The following ITGA4 variants were observed in gnomAD, a reference collection of about 807,000 sequenced individuals.
ITGA4 encodes integrin alpha-4.
A neutral mutation model predicts 133.6 loss-of-function variants in ITGA4; 63 were observed. The ratio of observed to expected loss-of-function variants is 0.47; its 90% CI spans 0.38 to 0.58. The LOEUF is 0.58. Among genes scored for constraint, ITGA4 ranks in the 20% least tolerant of loss-of-function variants. ITGA4 has a pLI of 0.00. For missense variants in ITGA4, 1,076 were observed against 1,252.7 expected (o/e 0.86, Z 2.13); for synonymous variants, 483 against 438.0 (o/e 1.10, Z -1.28).
chr2:181,510,918 A>G (rs1185914226), intron 16 of ITGA4, among the ~76,000 whole-genome samples: 2 of 84,506 alleles, frequency 2.4e-5, no homozygotes, highest in Non-Finnish European at 6.2e-5. Context: ...AAATGGCAGA[A>G]AAAAAAATCA....
chr2:181,504,600 T>G (rs147475777), intron 15 of ITGA4, among the ~76,000 whole-genome samples: 1 of 152,042 alleles, frequency 6.6e-6, no homozygotes, highest in African/African-American at 2.4e-5. Context: ...ACTAATATTA[T>G]GGTATTCTAA....
intron 17 of ITGA4, among the ~76,000 whole-genome samples, chr2:181,514,683 C>T (rs1686572495): frequency 6.6e-6 from 1 of 152,054 alleles, no homozygotes; most frequent in African/African-American, 2.4e-5. Context: ...TTCTAAGCTG[C>T]AAGTAAAGGA....
rs766961571 is a variant in ITGA4 at position 181,522,224 on chromosome 2, G to A, written c.1956G>A (p.Gly652=). Residue 652 remains glycine (G), a synonymous_variant, in exon 18 of 28, where the codon GGG becomes GGA. Transcript: ENST00000397033. ...PHENKTYLAV[G]SMKTLMLNVS... ...AAAATAAAACATATCTTGCTGTTGG[G>A]AGTATGAAGACATTGATGTTGAATG... 5.7e-6 allele frequency: 9 copies of A among 1,582,172 alleles called. No individual in the cohort carries two copies. The highest frequency in any genetic ancestry group is 7.8e-6 in the Non-Finnish European group (9 of 1,159,432).
chr2:181,503,498 A>C (rs1182014163), intron 15 of ITGA4, among the ~76,000 whole-genome samples: 1 of 151,502 alleles, frequency 6.6e-6, no homozygotes, highest in Non-Finnish European at 1.5e-5. Flanking sequence ...AGAGTATCAC[A>C]CAGGATTACT....
intron 25 of ITGA4, among the ~76,000 whole-genome samples, chr2:181,532,316 GT>G (rs1686961219): frequency 6.6e-6 from 1 of 152,154 alleles, no homozygotes; most frequent in African/African-American, 2.4e-5. Context: ...CTTGATGGGA[GT>G]AGCCTTGAAT....
At chr2:181,459,722 G>T (rs1685219332) in intron 2 of ITGA4, among the ~76,000 whole-genome samples, 1 of 152,172 alleles carries the variant, frequency 6.6e-6, no homozygotes, top group South Asian at 2.1e-4. Context: ...GAGAGTTGTG[G>T]GTGAAGAATT....
In ITGA4 at chr2:181,536,770, T is replaced by TC. The variant is rs1687131032; in HGVS notation, c.*1244dup. On this transcript the variant is annotated 3_prime_UTR_variant, in exon 28 of 28. Coordinates refer to ENST00000397033, the MANE Select transcript of ITGA4 (RefSeq NM_000885.6). ...TTTTAAAAAATTTCTTTAAATACAATCATTTTTGTAATATTTATTTTATGC... is the reference window on the plus strand; with the variant it reads ...TTTTAAAAAATTTCTTTAAATACAATCCATTTTTGTAATATTTATTTTATGC... 1 of 247,872 alleles carries TC rather than the reference T, an allele frequency of 4.0e-6. No homozygotes were observed. Among genetic ancestry groups the TC allele is most frequent in the Non-Finnish European group, 8.1e-6 (1 of 123,202 alleles). 15.4% of individuals were successfully genotyped at this position (247,872 alleles called of 1,614,324 possible). A position where few individuals can be genotyped will look rare whatever the true frequency, so the allele number is the denominator to read the frequency against.
At chr2:181,458,459 A>C in intron 2 of ITGA4, 142 bp downstream of exon 2, 1 of 874,892 alleles carries the variant, frequency 1.1e-6, no homozygotes, top group Non-Finnish European at 1.8e-6. Context: ...ACTCCATCTC[A>C]TCTTGCCTCC....
At chr2:181,515,728 GTGC>G (rs2105760578) in intron 17 of ITGA4, among the ~76,000 whole-genome samples, 1 of 152,226 alleles carries the variant, frequency 6.6e-6, no homozygotes, top group Non-Finnish European at 1.5e-5. Context: ...TTCTGACAAA[GTGC>G]TTTGTGTTTT....
intron 9 of ITGA4, among the ~76,000 whole-genome samples, chr2:181,483,835 A>G (rs988340236): frequency 6.6e-6 from 1 of 152,174 alleles, no homozygotes; most frequent in African/African-American, 2.4e-5. Context: ...ACGACTAAAC[A>G]TCCACATGTA....
At chr2:181,505,817 T>A (rs1252664493) in intron 15 of ITGA4, among the ~76,000 whole-genome samples, 2 of 152,112 alleles carry the variant, frequency 1.3e-5, no homozygotes, top group Non-Finnish European at 2.9e-5. Flanking sequence ...TGTGATTTGG[T>A]CAAAGTAAGC....
chr2:181,519,235 C>G (rs1686670333), intron 17 of ITGA4, among the ~76,000 whole-genome samples: 1 of 152,018 alleles, frequency 6.6e-6, no homozygotes, highest in African/African-American at 2.4e-5. Context: ...GATTACATTA[C>G]ATTTATATAA....
intron 9 of ITGA4, 92 bp downstream of exon 9, chr2:181,482,743 G>GT: frequency 1.6e-6 from 2 of 1,253,554 alleles, no homozygotes; most frequent in Non-Finnish European, 2.3e-6. Context: ...TTGTTTTCAG[G>GT]TTTCTTTTAT....
chr2:181,475,486 A>AT (rs1685654149), intron 4 of ITGA4, among the ~76,000 whole-genome samples, 198 bp downstream of exon 4: 2 of 152,170 alleles, frequency 1.3e-5, no homozygotes, highest in Non-Finnish European at 2.9e-5. Flanking sequence ...GTGCTATAAA[A>AT]ATTCTACAAT....
rs374936660 is a variant in ITGA4 at position 181,500,967 on chromosome 2, C to T, written c.1695+2190C>T. 5.1e-4 allele frequency among the ~76,000 whole-genome samples: 77 copies of T among 152,182 alleles called. 5 individuals are homozygous for T. The South Asian group carries it at 0.016, about 32-fold the overall frequency. On this transcript the variant is annotated intron_variant, in intron 15 of 27. Coordinates refer to ENST00000397033, the MANE Select transcript of ITGA4 (RefSeq NM_000885.6). ...CAGAGTACAGAAATGTGCAGTGCTG[C>T]AGAAGGAGTGAAGCGGAGAATTTTA...
At chr2:181,496,074 C>T (rs761346132) in intron 14 of ITGA4, 137 bp downstream of exon 14, 10 of 795,282 alleles carry the variant, frequency 1.3e-5, no homozygotes, top group South Asian at 1.2e-4. Flanking sequence ...CTGATGCATG[C>T]TTTTCCTCTC....
At position 181,524,289 on chromosome 2, in the gene ITGA4, C is replaced by G. The variant is rs115146894; in HGVS notation, c.2249+39C>G. ...TTAATAAAATGAACTAGAAATATAC[C>G]CCCATATTCTGAGGGGGGGGAATTA... On this transcript the variant is annotated intron_variant, in intron 20 of 27. Transcript: ENST00000397033. 3.3e-3 allele frequency: 3,794 copies of G among 1,160,716 alleles called. 100 individuals are homozygous for G. The African/African-American group carries it at 0.055, about 17-fold the overall frequency. 71.9% of individuals were successfully genotyped at this position (1,160,716 alleles called of 1,614,324 possible).
chr2:181,490,358 G>A (rs751401184), intron 10 of ITGA4, among the ~76,000 whole-genome samples: 5 of 152,092 alleles, frequency 3.3e-5, no homozygotes, highest in East Asian at 3.8e-4. Context: ...ATGAGTAAGA[G>A]CATGTGTTAT....
intron 4 of ITGA4, among the ~76,000 whole-genome samples, chr2:181,477,517 AT>A (rs1685703890): frequency 6.6e-6 from 1 of 152,152 alleles, no homozygotes; most frequent in African/African-American, 2.4e-5. Context: ...CAAATAACTG[AT>A]TAAAAATTAG....
Sources: allele counts gnomAD v4.1 joint callset (sites outside exome capture counted in the v4.1 genomes callset), GRCh38; gene constraint gnomAD v4.1.1; transcripts MANE v1.5; gene names NCBI Gene and HGNC (gene_info 2026-07-23, HGNC 2026-07-21).